The following EML6 variants were observed in gnomAD, a reference collection of about 807,000 sequenced individuals.
EML6 encodes the protein echinoderm microtubule-associated protein-like 6.
EML6 carries 154 observed loss-of-function variants against 240.1 expected under a neutral mutation model. That is an observed-to-expected ratio of 0.64 (90% CI 0.56 to 0.73). The LOEUF (loss-of-function observed/expected upper bound fraction) is 0.73, where lower values mean the gene tolerates loss of function less well. Among genes scored for constraint, EML6 ranks in the 30% least tolerant of loss-of-function variants. The pLI is 0.00. For missense variants in EML6, 2,964 were observed against 2,474.6 expected (o/e 1.20, Z -4.20); for synonymous variants, 1,148 against 899.0 (o/e 1.28, Z -4.95).
chr2:54,732,877 G>C (rs1387036808), intron 2 of EML6, among the ~76,000 whole-genome samples: 1 of 152,226 alleles, frequency 6.6e-6, no homozygotes, highest in East Asian at 1.9e-4. Flanking sequence ...TACTCCCAAA[G>C]GTTTTTGCTT....
chr2:54,805,639 A>T (rs781376333), intron 2 of EML6, among the ~76,000 whole-genome samples: 19 of 151,308 alleles, frequency 1.3e-4, no homozygotes, highest in Non-Finnish European at 2.5e-4. Context: ...TTGCATTTTC[A>T]TTTTCCTAAT....
intron 7 of EML6, among the ~76,000 whole-genome samples, chr2:54,836,703 C>T (rs918429829): frequency 5.3e-5 from 8 of 152,188 alleles, no homozygotes; most frequent in Admixed American, 4.6e-4. Context: ...CACACAGGGC[C>T]TGGTACTCAG....
chr2:54,838,635 C>A (rs1018208153), intron 7 of EML6, among the ~76,000 whole-genome samples: 1 of 152,210 alleles, frequency 6.6e-6, no homozygotes, highest in Admixed American at 6.5e-5. Flanking sequence ...TGCTGTTTCT[C>A]TTCTCTGGTC....
chr2:54,872,530 C>T (rs949668991), intron 16 of EML6, among the ~76,000 whole-genome samples: 4 of 152,144 alleles, frequency 2.6e-5, no homozygotes, highest in Admixed American at 1.3e-4. Context: ...CAGTCCATCC[C>T]ACCCTCTTCT....
At chr2:54,735,692 T>G (rs354236) in intron 2 of EML6, among the ~76,000 whole-genome samples, 40,200 of 152,250 alleles carry the variant, frequency 0.26, 6,399 homozygotes, top group East Asian at 0.57. Context: ...ATGTTTGTGC[T>G]TAAGGTATTT....
At chr2:54,780,390 C>G (rs1439810062) in intron 2 of EML6, among the ~76,000 whole-genome samples, 1 of 152,198 alleles carries the variant, frequency 6.6e-6, no homozygotes, top group Non-Finnish European at 1.5e-5. Context: ...TAGCTTTAGA[C>G]TTGCATAGAT....
At chr2:54,791,986 G>T (rs1310848335) in intron 2 of EML6, among the ~76,000 whole-genome samples, 1 of 152,194 alleles carries the variant, frequency 6.6e-6, no homozygotes, top group Non-Finnish European at 1.5e-5. Flanking sequence ...TTATTGTAGT[G>T]TTTATTACAG....
At chr2:54,932,336 C>CT (rs1285882291) in intron 28 of EML6, among the ~76,000 whole-genome samples, 1 of 152,224 alleles carries the variant, frequency 6.6e-6, no homozygotes, top group African/African-American at 2.4e-5. Context: ...TGGTGTGTGG[C>CT]TGAGGAAAGT....
chr2:54,787,265 C>T (rs545697050), intron 2 of EML6, among the ~76,000 whole-genome samples: 1 of 146,426 alleles, frequency 6.8e-6, no homozygotes, highest in Non-Finnish European at 1.5e-5. Flanking sequence ...CTCCCATGGT[C>T]TGAGCCTTGT....
intron 16 of EML6, among the ~76,000 whole-genome samples, chr2:54,877,119 A>G (rs1394622846): frequency 6.6e-6 from 1 of 151,906 alleles, no homozygotes; most frequent in Non-Finnish European, 1.5e-5. Context: ...AGTATCTGGG[A>G]CTACAGATGC....
At chr2:54,762,450 T>A (rs1384615602) in intron 2 of EML6, among the ~76,000 whole-genome samples, 1 of 152,192 alleles carries the variant, frequency 6.6e-6, no homozygotes, top group Non-Finnish European at 1.5e-5. Flanking sequence ...CTTTTCTAAT[T>A]ATAGAGTAAT....
intron 2 of EML6, among the ~76,000 whole-genome samples, chr2:54,756,726 G>C (rs1425944159): frequency 6.6e-6 from 1 of 151,648 alleles, no homozygotes; most frequent in Non-Finnish European, 1.5e-5. Context: ...GGTTTTCTCT[G>C]ATACTCTGGG....
chr2:54,832,226 C>T (rs1442358447), intron 7 of EML6, among the ~76,000 whole-genome samples: 1 of 152,232 alleles, frequency 6.6e-6, no homozygotes, highest in Non-Finnish European at 1.5e-5. Flanking sequence ...TTGCTTCCAA[C>T]TTAGGGAGTT....
chr2:54,741,806 T>C (rs1683648419), intron 2 of EML6, among the ~76,000 whole-genome samples: 2 of 152,182 alleles, frequency 1.3e-5, no homozygotes, highest in South Asian at 4.1e-4. Context: ...GCATCCATAG[T>C]GATATAAATA....
chr2:54,904,997 T>C (rs970957838), intron 24 of EML6, among the ~76,000 whole-genome samples: 6 of 152,270 alleles, frequency 3.9e-5, no homozygotes, highest in Admixed American at 3.3e-4. Flanking sequence ...GTGCAGTAGA[T>C]AGAGAAAAAA....
In EML6 at chr2:54,809,304, G is replaced by A. The variant is rs114163032; in HGVS notation, c.198-3928G>A. On this transcript the variant is annotated intron_variant, in intron 2 of 41. Coordinates refer to ENST00000356458, the MANE Select transcript of EML6 (RefSeq NM_001039753.4). ...ATACTTCCAGTCATAACATGGTAAA[G>A]AAGATGACAAGAAGCCCAAGGTAGA... 7.1e-3 allele frequency among the ~76,000 whole-genome samples: 1,074 copies of A among 152,302 alleles called. 14 individuals carry two copies. Among genetic ancestry groups the A allele is most frequent in the African/African-American group, 0.024 (998 of 41,562 alleles).
chr2:54,841,748 A>G (rs1274438502), intron 7 of EML6, among the ~76,000 whole-genome samples: 3 of 151,866 alleles, frequency 2.0e-5, no homozygotes, highest in Non-Finnish European at 4.4e-5. Flanking sequence ...GCGTGCTACC[A>G]TGTCCAGCTA....
chr2:54,954,172 G>A lies in EML6; in HGVS notation c.4486+16G>A. 6.5e-7 allele frequency: 1 copy of A among 1,547,870 alleles called. No individual in the cohort carries two copies. Among genetic ancestry groups the A allele is most frequent in the Non-Finnish European group, 8.7e-7 (1 of 1,145,176 alleles). On this transcript the variant is annotated intron_variant, in intron 32 of 41. Coordinates refer to ENST00000356458, the MANE Select transcript of EML6 (RefSeq NM_001039753.4). ...TGGCAGGAAGGTAAACCAGCACTGG[G>A]CTTTCTGTCCCTCCAGGGTGTCTGC...
chr2:54,864,096 A>G (rs939673623), intron 13 of EML6, among the ~76,000 whole-genome samples: 7 of 152,224 alleles, frequency 4.6e-5, no homozygotes, highest in Non-Finnish European at 8.8e-5. Flanking sequence ...AGCAGAAAGT[A>G]ATTGCAAAGT....
Sources: allele counts gnomAD v4.1 joint callset (sites outside exome capture counted in the v4.1 genomes callset), GRCh38; gene constraint gnomAD v4.1.1; transcripts MANE v1.5; gene names NCBI Gene and HGNC (gene_info 2026-07-23, HGNC 2026-07-21).